CNTN5: variants seen among roughly 807,000 people sequenced by gnomAD.
CNTN5 encodes the protein contactin-5.
CNTN5 carries 77 observed loss-of-function variants against 129.1 expected under a neutral mutation model. That is an observed-to-expected ratio of 0.60 (90% CI 0.50 to 0.72). The LOEUF is 0.72. Ranked by LOEUF, CNTN5 falls within the 30% of genes least tolerant of loss-of-function variation. CNTN5 has a pLI of 0.00. For synonymous variants in CNTN5, 509 were observed against 465.6 expected, an observed-to-expected ratio of 1.09 and a Z score of -1.20; for missense variants, 1,478 against 1,328.8, an observed-to-expected ratio of 1.11 and a Z score of -1.75.
intron 2 of CNTN5, among the ~76,000 whole-genome samples, chr11:99,425,396 A>G (rs1943074731): frequency 2.0e-5 from 3 of 152,176 alleles, no homozygotes; most frequent in Non-Finnish European, 4.4e-5. Context: ...CATGCCATCC[A>G]TGGCGCCAAG....
chr11:99,417,775 A>C (rs1942723988), intron 2 of CNTN5, among the ~76,000 whole-genome samples: 1 of 152,190 alleles, frequency 6.6e-6, no homozygotes, highest in African/African-American at 2.4e-5. Context: ...CAATAAACAC[A>C]AATTATAAAT....
intron 18 of CNTN5, among the ~76,000 whole-genome samples, chr11:100,287,365 G>A (rs1289800125): frequency 2.5e-4 from 37 of 150,452 alleles, no homozygotes; most frequent in African/African-American, 8.8e-4. Flanking sequence ...GAGAAAGGTC[G>A]GGTTACCCTC....
rs1948059529 is a variant in CNTN5 at position 99,857,031 on chromosome 11, T to TCTCCCTCTCTCTCTCC, written c.577+11777_577+11792dup. 2.1e-4 allele frequency among the ~76,000 whole-genome samples: 32 copies of TCTCCCTCTCTCTCTCC among 149,314 alleles called. No homozygotes were observed. In the South Asian group the frequency reaches 6.8e-3, roughly 32 times the overall value. On this transcript the variant is annotated intron_variant, in intron 6 of 24. Coordinates refer to ENST00000524871, the MANE Select transcript of CNTN5 (RefSeq NM_014361.4). ...TTCCCTCTCTCTCTATCTATCTCTA[T>TCTCCCTCTCTCTCTCC]CTCCCTCTCTCTCTCCCTCCCTCCC...
At chr11:100,352,256 C>T (rs982973782) in intron 24 of CNTN5, among the ~76,000 whole-genome samples, 2 of 151,482 alleles carry the variant, frequency 1.3e-5, no homozygotes, top group African/African-American at 2.4e-5. Context: ...ACTTACAATA[C>T]TTGATAAGTT....
chr11:99,509,093 A>AAG (rs1946738506), intron 2 of CNTN5, among the ~76,000 whole-genome samples: 5 of 152,040 alleles, frequency 3.3e-5, no homozygotes, highest in Non-Finnish European at 5.9e-5. Flanking sequence ...TGGGGGGAAT[A>AAG]TATCTTAGAA....
chr11:99,786,812 T>G (rs1945543041), intron 3 of CNTN5, among the ~76,000 whole-genome samples: 6 of 152,156 alleles, frequency 3.9e-5, no homozygotes, highest in Admixed American at 3.9e-4. Context: ...TGCAGAAAAC[T>G]GAAACTGGAC....
In CNTN5 at chr11:99,201,159, GGACT is replaced by G. The variant is rs1234382335; in HGVS notation, c.-209-124186_-209-124183del. ...CCTGCGTCAGCCTCCTGAGTAGCTG[GGACT>G]ACAGGCCTGCGCCACCATGCCAGGC... On this transcript the variant is annotated intron_variant, in intron 1 of 24. Coordinates refer to ENST00000524871, the MANE Select transcript of CNTN5 (RefSeq NM_014361.4). Among the ~76,000 whole-genome samples the G allele has an allele frequency of 1.7e-4, 25 of 151,050 alleles. No individual in the cohort carries two copies. The Admixed American group carries it at 1.7e-3, about 10-fold the overall frequency.
chr11:99,816,868 CT>C (rs2135541492), intron 3 of CNTN5, among the ~76,000 whole-genome samples: 1 of 152,240 alleles, frequency 6.6e-6, no homozygotes, highest in African/African-American at 2.4e-5. Context: ...GCCATGGTGC[CT>C]TTACTTTCAA....
chr11:99,807,001 G>A (rs956703118), intron 3 of CNTN5, among the ~76,000 whole-genome samples: 2 of 151,864 alleles, frequency 1.3e-5, no homozygotes, highest in Admixed American at 6.6e-5. Context: ...GTGCTTTTAA[G>A]AATCAAGGAA....
intron 9 of CNTN5, among the ~76,000 whole-genome samples, chr11:100,051,806 A>C (rs1942967360): frequency 6.6e-6 from 1 of 151,934 alleles, no homozygotes; most frequent in Non-Finnish European, 1.5e-5. Context: ...ACAGGAAGGC[A>C]ATGTTAACTG....
chr11:99,430,998 GT>G (rs11292397), intron 2 of CNTN5, among the ~76,000 whole-genome samples: 54,937 of 139,332 alleles, frequency 0.39, 10,670 homozygotes, highest in Middle Eastern at 0.56. Flanking sequence ...TTTCCTGGCT[GT>G]TTTTTTTTTT....
intron 9 of CNTN5, among the ~76,000 whole-genome samples, chr11:100,009,598 A>G (rs1011968495): frequency 9.2e-5 from 14 of 152,138 alleles, no homozygotes; most frequent in African/African-American, 3.1e-4. Context: ...GGATTAAACT[A>G]GAAGAATTAG....
At chr11:99,256,456 T>C (rs1161246184) in intron 1 of CNTN5, among the ~76,000 whole-genome samples, 1 of 152,080 alleles carries the variant, frequency 6.6e-6, no homozygotes, top group Non-Finnish European at 1.5e-5. Context: ...TTTATATATA[T>C]GTTTTGTTTG....
chr11:99,662,801 G>C (rs548295485), intron 3 of CNTN5, among the ~76,000 whole-genome samples: 1 of 152,232 alleles, frequency 6.6e-6, no homozygotes, highest in Admixed American at 6.5e-5. Context: ...TAGAAATAAA[G>C]AATCTCAGAC....
chr11:100,030,761 A>G (rs914645283), intron 9 of CNTN5, among the ~76,000 whole-genome samples: 4 of 152,232 alleles, frequency 2.6e-5, no homozygotes, highest in African/African-American at 9.6e-5. Flanking sequence ...CAAAAGATAA[A>G]GCATACTTCT....
chr11:99,088,156 C>T (rs1053431002), intron 1 of CNTN5, among the ~76,000 whole-genome samples: 1 of 152,154 alleles, frequency 6.6e-6, no homozygotes, highest in Non-Finnish European at 1.5e-5. Flanking sequence ...AAAACCCTCA[C>T]ACACATATAC....
intron 12 of CNTN5, 21 bp from the exon 13 acceptor site, chr11:100,074,123 T>G: frequency 6.2e-7 from 1 of 1,601,636 alleles, no homozygotes; most frequent in Non-Finnish European, 8.5e-7. Flanking sequence ...TGGTAGAAAC[T>G]AACATTTGCT....
intron 3 of CNTN5, among the ~76,000 whole-genome samples, chr11:99,671,654 AG>A (rs1205735695): frequency 6.6e-6 from 1 of 152,196 alleles, no homozygotes; most frequent in Non-Finnish European, 1.5e-5. Flanking sequence ...CTGTCAGGAA[AG>A]TGTCTTGCTG....
intron 3 of CNTN5, among the ~76,000 whole-genome samples, chr11:99,710,519 G>A (rs1194566462): frequency 1.3e-5 from 2 of 151,410 alleles, no homozygotes; most frequent in African/African-American, 4.9e-5. Flanking sequence ...AAGGGGCATG[G>A]CCCCTACTGC....
Sources: allele counts gnomAD v4.1 joint callset (sites outside exome capture counted in the v4.1 genomes callset), GRCh38; gene constraint gnomAD v4.1.1; transcripts MANE v1.5; gene names NCBI Gene and HGNC (gene_info 2026-07-23, HGNC 2026-07-21).